Variants in RNF213 observed in about 807,000 individuals in gnomAD.
RNF213 encodes ring finger protein 213.
In RNF213, 341 loss-of-function variants were observed where a neutral mutation model predicts 514.4. That is an observed-to-expected ratio of 0.66 (90% CI 0.61 to 0.73). RNF213 has a LOEUF of 0.73. Among genes scored for constraint, RNF213 ranks in the 30% least tolerant of loss-of-function variants. RNF213 has a pLI of 0.00. For synonymous variants in RNF213, 2,655 were observed against 2,658.2 expected, an observed-to-expected ratio of 1.00 and a Z score of 0.04; for missense variants, 5,767 against 6,615.6, an observed-to-expected ratio of 0.87 and a Z score of 4.45.
chr17:80,285,775 A>G (rs1368479536), intron 3 of RNF213, among the ~76,000 whole-genome samples: 1 of 151,802 alleles, frequency 6.6e-6, no homozygotes, highest in East Asian at 1.9e-4. Flanking sequence ...GGTTCAAGCA[A>G]TTCTCCTGCT....
Position 80,398,332 on chromosome 17 carries a change from G to A in RNF213, c.*4834G>A, listed in dbSNP as rs2080702076. The A allele has an allele frequency of 6.6e-6, 1 of 151,996 alleles. No homozygotes were observed. The highest frequency in any genetic ancestry group is 1.5e-5 in the Non-Finnish European group (1 of 67,984). 9.4% of individuals were successfully genotyped at this position (151,996 alleles called of 1,614,324 possible). The stretch of plus-strand genomic sequence containing the variant: ...GTAATGTTTTGTCTTGAAGAAGCAT[G>A]GGTCAAGCACAAAGTAAGACCACCC... On this transcript the variant is annotated 3_prime_UTR_variant, in exon 68 of 68. Transcript: ENST00000582970.
At chr17:80,374,416 A>T in intron 49 of RNF213, 42 bp from the exon 50 acceptor site, 1 of 1,613,562 alleles carries the variant, frequency 6.2e-7, no homozygotes, top group Non-Finnish European at 8.5e-7. Context: ...TTTGCAAGAC[A>T]TTCCTCCCAT....
chr17:80,262,564 G>A (rs1008120689), intron 1 of RNF213, among the ~76,000 whole-genome samples: 7 of 152,184 alleles, frequency 4.6e-5, no homozygotes, highest in Non-Finnish European at 1.0e-4. Flanking sequence ...AGATAATGGG[G>A]CCTCAGAGAG....
In RNF213 at chr17:80,347,563, G is replaced by A; in HGVS notation, c.9228G>A (p.Lys3076=). ...TTATTTTTGGTTCTGGTTTCCCCAA[G>A]GACCAAGAGTACACCCAGCTCTGCA... ...PEIIFGSGFP[K]DQEYTQLCRN... The change falls in exon 29 of 68, where the codon AAG becomes AAA. Residue 3076 remains lysine (K), a synonymous_variant. Transcript: ENST00000582970. This position sits in a 1 kb window ranked among gnomAD's most constrained non-coding sequence, Gnocchi z 7.2. 1.2e-6 allele frequency: 2 copies of A among 1,614,146 alleles called. No homozygotes were observed. Among genetic ancestry groups the A allele is most frequent in the South Asian group, 2.2e-5 (2 of 91,086 alleles).
At chr17:80,383,127 G>T (rs541205741) in intron 58 of RNF213, 57 bp downstream of exon 58, 2 of 1,236,018 alleles carry the variant, frequency 1.6e-6, no homozygotes, top group South Asian at 2.4e-5. Context: ...GAAGGGTCCC[G>T]GCGTCTGCTG....
chr17:80,383,108 T>C lies in RNF213; in HGVS notation c.14070+38T>C, dbSNP rs1329344898. 9 of 1,471,368 alleles carry C rather than the reference T, an allele frequency of 6.1e-6. No homozygotes were observed. In the African/African-American group the frequency reaches 9.7e-5, roughly 16 times the overall value. The allele number at this position is 1,471,368 out of a possible 1,614,324, so 91.1% of individuals were successfully genotyped here. A position where few individuals can be genotyped will look rare whatever the true frequency, so the allele number is the denominator to read the frequency against. ...TGCTGACAGCTGGGTTGCTCCTCGG[T>C]CCAGAAAGGAAGGGTCCCGGCGTCT... On this transcript the variant is annotated intron_variant, in intron 58 of 67. Coordinates refer to ENST00000582970, the MANE Select transcript of RNF213 (RefSeq NM_001256071.3).
chr17:80,329,248 G>A (rs74380207), intron 20 of RNF213, among the ~76,000 whole-genome samples: 132 of 152,366 alleles, frequency 8.7e-4, no homozygotes, highest in African/African-American at 3.0e-3. Flanking sequence ...AGAAAAGGGC[G>A]TGTAAGAGGT....
At chr17:80,337,535 C>T in intron 23 of RNF213, 51 bp from the exon 24 acceptor site, 1 of 1,526,262 alleles carries the variant, frequency 6.6e-7, no homozygotes, top group South Asian at 1.2e-5. Context: ...GGGAGAAGGG[C>T]AAGATCCTCG....
At chr17:80,387,038 A>G (rs114842110) in intron 63 of RNF213, 147 bp downstream of exon 63, 2 of 783,428 alleles carry the variant, frequency 2.6e-6, no homozygotes, top group Non-Finnish European at 4.2e-6. Context: ...TCCCGAGGCC[A>G]CCACGCCACC....
Position 80,364,558 on chromosome 17 carries a change from G to C in RNF213, c.11871+5G>C. 6.2e-7 allele frequency: 1 copy of C among 1,614,148 alleles called. No individual in the cohort carries two copies. The highest frequency in any genetic ancestry group is 1.1e-5 in the South Asian group (1 of 91,086). ...CACGTCTTCTTACTAGACAAGGTGA[G>C]TACTTGGGCTGGCCTCAGCACATGC... On this transcript the variant is annotated splice_donor_5th_base_variant and intron_variant, in intron 42 of 67. Coordinates refer to ENST00000582970, the MANE Select transcript of RNF213 (RefSeq NM_001256071.3).
Position 80,353,689 on chromosome 17 carries a change from TC to T in RNF213, c.10578+27del. 6.2e-7 allele frequency: 1 copy of T among 1,614,044 alleles called. No individual in the cohort carries two copies. The highest frequency in any genetic ancestry group is 8.5e-7 in the Non-Finnish European group (1 of 1,179,924). On this transcript the variant is annotated intron_variant, in intron 34 of 67. Coordinates refer to ENST00000582970, the MANE Select transcript of RNF213 (RefSeq NM_001256071.3). This position sits in a 1 kb window ranked among gnomAD's most constrained non-coding sequence, Gnocchi z 5.0. ...GATGTAAGTTCTGGTTCTTGGGACC[TC>T]CCCTTGTGCTGCTGGTGATGCTTCT...
At chr17:80,337,747 G>C (rs542556066) in intron 24 of RNF213, 21 bp downstream of exon 24, 1 of 1,537,266 alleles carries the variant, frequency 6.5e-7, no homozygotes. Context: ...CCCAGCCCTC[G>C]GCGCAGCTGC....
In RNF213 at chr17:80,354,021, G is replaced by A. The variant is rs768296294; in HGVS notation, c.10581G>A (p.Val3527=). The part of the protein sequence containing the change: ...KETSELGGSD[V]SILDTTRLLR... Reference sequence around the variant, plus strand: ...GACCCAACCGTCTCCACCAACAGGTGTCGATCCTGGACACCACCAGGCTGC... The same window carrying A: ...GACCCAACCGTCTCCACCAACAGGTATCGATCCTGGACACCACCAGGCTGC... The change falls in exon 35 of 68, where the codon GTG becomes GTA. Residue 3527 remains valine (V), a splice_region_variant and synonymous_variant. Transcript: ENST00000582970. 6.2e-7 allele frequency: 1 copy of A among 1,613,782 alleles called. No homozygotes were observed.
rs993962766 is a variant in RNF213 at position 80,317,082 on chromosome 17, C to T, written c.2812-106C>T. The stretch of plus-strand genomic sequence containing the variant: ...GGGAGAGCCCTGGTGTTCGCGGAGT[C>T]CCGCGCTCTCTGTATTGCCGTAATG... On this transcript the variant is annotated intron_variant, in intron 15 of 67. Coordinates refer to ENST00000582970, the MANE Select transcript of RNF213 (RefSeq NM_001256071.3). This position sits in a 1 kb window ranked among gnomAD's most constrained non-coding sequence, Gnocchi z 4.1. 4 of 1,231,074 alleles carry T rather than the reference C, an allele frequency of 3.2e-6. No individual in the cohort carries two copies. The African/African-American group carries it at 4.4e-5, about 14-fold the overall frequency. 76.3% of individuals were successfully genotyped at this position (1,231,074 alleles called of 1,614,324 possible). A position where few individuals can be genotyped will look rare whatever the true frequency, so the allele number is the denominator to read the frequency against.
intron 3 of RNF213, among the ~76,000 whole-genome samples, chr17:80,285,409 G>A (rs1598919050): frequency 1.3e-5 from 2 of 152,292 alleles, no homozygotes; most frequent in Middle Eastern, 3.4e-3. Context: ...CAGGGACGGC[G>A]TCATCGCCTC....
intron 21 of RNF213, among the ~76,000 whole-genome samples, chr17:80,333,344 G>A (rs1421230862): frequency 6.6e-6 from 1 of 150,982 alleles, no homozygotes; most frequent in Non-Finnish European, 1.5e-5. Context: ...ACAGGCGTGA[G>A]CCACCGTGCC....
rs373888598 is a variant in RNF213, at chr17:80,295,429, C to T, written c.1756-128C>T. 3.4e-6 allele frequency: 4 copies of T among 1,179,520 alleles called. No individual in the cohort carries two copies. The South Asian group carries it at 5.2e-5, about 15-fold the overall frequency. 73.1% of individuals were successfully genotyped at this position (1,179,520 alleles called of 1,614,324 possible). ...GGCTGCACTGCAGCTCCTCCTGTGG[C>T]TCTCACAGGTGTGGTGGTGGGGCAC... On this transcript the variant is annotated intron_variant, in intron 9 of 67. Coordinates refer to ENST00000582970, the MANE Select transcript of RNF213 (RefSeq NM_001256071.3).
intron 65 of RNF213, 42 bp downstream of exon 65, chr17:80,389,409 C>T (rs1411796206): frequency 6.4e-7 from 1 of 1,565,326 alleles, no homozygotes. Context: ...AGCCCCTCAC[C>T]CTGGTCTCCT....
intron 63 of RNF213, 42 bp downstream of exon 63, chr17:80,386,933 G>A (rs1264044890): frequency 1.9e-6 from 3 of 1,561,960 alleles, no homozygotes; most frequent in East Asian, 4.6e-5. Context: ...TGGTGTGTCT[G>A]TTGTGAACAA....
Sources: allele counts gnomAD v4.1 joint callset (sites outside exome capture counted in the v4.1 genomes callset), GRCh38; gene constraint gnomAD v4.1.1; non-coding constraint Gnocchi (gnomAD v3.1); transcripts MANE v1.5; gene names NCBI Gene and HGNC (gene_info 2026-07-23, HGNC 2026-07-21).